The following PCDHA12 variants were observed in gnomAD, a reference collection of about 807,000 sequenced individuals.
The protein encoded by PCDHA12 is protocadherin alpha 12, also known as protocadherin alpha-12.
A neutral mutation model predicts 60.0 loss-of-function variants in PCDHA12; 44 were observed. The ratio of observed to expected loss-of-function variants is 0.73; its 90% CI spans 0.58 to 0.94. The LOEUF is 0.94. PCDHA12 is among the 40% of genes least tolerant of loss of function. The pLI, the probability that PCDHA12 is intolerant of heterozygous loss-of-function variation, is 0.00. For synonymous variants in PCDHA12, 569 were observed against 553.0 expected (o/e 1.03, Z -0.40); for missense variants, 1,276 against 1,239.7 (o/e 1.03, Z -0.44).
At chr5:140,973,089 T>G (rs534319830) in intron 1 of PCDHA12, among the ~76,000 whole-genome samples, 2 of 152,308 alleles carry the variant, frequency 1.3e-5, no homozygotes, top group East Asian at 3.9e-4. Flanking sequence ...TGGCACAACA[T>G]GTAGAAATTA....
chr5:140,958,672 A>G (rs1554223601), intron 1 of PCDHA12, among the ~76,000 whole-genome samples: 1 of 152,218 alleles, frequency 6.6e-6, no homozygotes, highest in African/African-American at 2.4e-5. Context: ...AATTTTAATT[A>G]TAAAGGATAT....
At position 141,011,086 on chromosome 5, in the gene PCDHA12, C is replaced by T. The variant is rs1181884726; in HGVS notation, c.*1149C>T. The T allele has an allele frequency of 2.6e-5, 4 of 153,678 alleles. No homozygotes were observed. Among genetic ancestry groups the T allele is most frequent in the African/African-American group, 9.7e-5 (4 of 41,430 alleles). The allele number at this position is 153,678 out of a possible 1,614,324, so 9.5% of individuals were successfully genotyped here. On this transcript the variant is annotated 3_prime_UTR_variant, in exon 4 of 4. Coordinates refer to ENST00000398631, the MANE Select transcript of PCDHA12 (RefSeq NM_018903.4). ...TGTATTACTAAATAAAATGATCTCT[C>T]TTTCTCTCTCTCTCTCTCTTTTCTA...
At chr5:140,966,360 A>T (rs1169207709) in intron 1 of PCDHA12, 1 of 400,440 alleles carries the variant, frequency 2.5e-6, no homozygotes, top group Non-Finnish European at 4.4e-6. Flanking sequence ...ATGGGGCTGG[A>T]GAGGCTGAGC....
chr5:140,904,235 T>A (rs147535141), intron 1 of PCDHA12, among the ~76,000 whole-genome samples: 1,856 of 152,070 alleles, frequency 0.012, 44 homozygotes, highest in African/African-American at 0.042. Flanking sequence ...TACTTATGCC[T>A]TTGCATCCTC....
intron 1 of PCDHA12, among the ~76,000 whole-genome samples, chr5:140,978,200 C>T (rs2096792236): frequency 6.6e-6 from 1 of 152,220 alleles, no homozygotes. Context: ...TTTCAATACA[C>T]AACTAATGCA....
rs781944777 is a variant in PCDHA12, at chr5:140,978,930, T to A, written c.2368-19T>A. ...TTGTCTTGTCATTTTAACAGAAAAC[T>A]CTCTTTGTGATTTTGCAGCCACGAC... On this transcript the variant is annotated intron_variant, in intron 1 of 3. Transcript: ENST00000398631. The A allele has an allele frequency of 1.2e-6, 2 of 1,614,088 alleles. No homozygotes were observed. The highest frequency in any genetic ancestry group is 8.5e-7 in the Non-Finnish European group (1 of 1,180,010).
intron 1 of PCDHA12, among the ~76,000 whole-genome samples, chr5:140,907,751 A>T (rs1443394789): frequency 1.3e-5 from 2 of 152,134 alleles, no homozygotes; most frequent in African/African-American, 4.8e-5. Context: ...CACTTTGTTC[A>T]TGGGCCCATT....
chr5:140,914,639 G>C (rs1348153716), intron 1 of PCDHA12, among the ~76,000 whole-genome samples: 5 of 151,890 alleles, frequency 3.3e-5, no homozygotes, highest in Admixed American at 3.3e-4. Context: ...TGGTTTCATG[G>C]TCATCTCTCC....
intron 1 of PCDHA12, chr5:140,967,284 A>C: frequency 6.2e-7 from 1 of 1,613,190 alleles, no homozygotes. Context: ...GAGAGTGCGC[A>C]GGACCCCGAC....
intron 3 of PCDHA12, among the ~76,000 whole-genome samples, chr5:140,983,853 A>T (rs1447321377): frequency 6.6e-6 from 1 of 152,230 alleles, no homozygotes; most frequent in African/African-American, 2.4e-5. Context: ...ATTAAGTAAC[A>T]TGCAGCTAAG....
intron 1 of PCDHA12, among the ~76,000 whole-genome samples, chr5:140,890,874 C>T (rs1337922727): frequency 6.6e-6 from 1 of 152,082 alleles, no homozygotes; most frequent in Admixed American, 6.6e-5. Flanking sequence ...CCCCTCTGAC[C>T]TTTCATCAGG....
chr5:140,954,724 C>T (rs2095079319), intron 1 of PCDHA12, among the ~76,000 whole-genome samples: 1 of 152,196 alleles, frequency 6.6e-6, no homozygotes, highest in Admixed American at 6.5e-5. Context: ...TGTAGGTTGT[C>T]TTTTCACTCT....
At chr5:140,928,681 TC>T (rs782384924) in intron 1 of PCDHA12, 4 of 1,614,062 alleles carry the variant, frequency 2.5e-6, no homozygotes. Flanking sequence ...TGCCTGGCTT[TC>T]CTACCACATC....
intron 1 of PCDHA12, among the ~76,000 whole-genome samples, chr5:140,937,708 C>G (rs535447052): frequency 6.6e-6 from 1 of 151,944 alleles, no homozygotes; most frequent in South Asian, 2.1e-4. Flanking sequence ...GTCAGGAGAT[C>G]AAGACCATCC....
intron 1 of PCDHA12, chr5:140,883,754 G>C: frequency 3.1e-6 from 5 of 1,613,118 alleles, no homozygotes; most frequent in Non-Finnish European, 4.2e-6. Flanking sequence ...CTCGCTGGTG[G>C]AGCGGCGGGT....
chr5:140,882,513 G>A (rs2059164592), intron 1 of PCDHA12: 3 of 1,614,072 alleles, frequency 1.9e-6, no homozygotes, highest in Admixed American at 3.3e-5. Context: ...CTGCAGAATG[G>A]CATTTTGTTT....
Position 140,877,010 on chromosome 5 carries a change from A to T in PCDHA12, c.1538A>T (p.Glu513Val), listed in dbSNP as rs1177640704. 1.2e-6 allele frequency: 2 copies of T among 1,612,296 alleles called. No individual in the cohort carries two copies. Among genetic ancestry groups the T allele is most frequent in the African/African-American group, 2.7e-5 (2 of 74,886 alleles). ...ALSSYVSVHA[E>V]SGKVYALQPL... ...TCGAGCTACGTGTCGGTGCACGCGG[A>T]GAGCGGCAAGGTGTACGCGCTGCAG... Residue 513 changes from glutamate to valine, a missense_variant, in exon 1 of 4, where the codon GAG becomes GTG. Coordinates refer to ENST00000398631, the MANE Select transcript of PCDHA12 (RefSeq NM_018903.4).
chr5:140,910,944 C>A (rs1177154353), intron 1 of PCDHA12, among the ~76,000 whole-genome samples: 1 of 152,146 alleles, frequency 6.6e-6, no homozygotes, highest in Non-Finnish European at 1.5e-5. Flanking sequence ...TCAAGCAGTT[C>A]TTTTCGAGTG....
At chr5:140,951,685 T>C (rs1305310211) in intron 1 of PCDHA12, among the ~76,000 whole-genome samples, 4 of 152,140 alleles carry the variant, frequency 2.6e-5, no homozygotes, top group African/African-American at 9.7e-5. Flanking sequence ...GGGATTACAA[T>C]GTGACATGAG....
Sources: gnomAD v4.1 joint callset for allele counts (sites outside exome capture counted in the v4.1 genomes callset) on GRCh38, gnomAD v4.1.1 for gene constraint, MANE v1.5 for transcripts, NCBI Gene and HGNC (gene_info 2026-07-23, HGNC 2026-07-21) for gene names.